ADGRB3: variants seen among roughly 807,000 people sequenced by gnomAD.
ADGRB3 encodes adhesion G protein-coupled receptor B3, also known as brain-specific angiogenesis inhibitor 3.
A neutral mutation model predicts 193.4 loss-of-function variants in ADGRB3; 37 were observed. That is an observed-to-expected ratio of 0.19 (90% CI 0.15 to 0.25). ADGRB3 has a LOEUF of 0.25. ADGRB3 is among the 10% of genes least tolerant of loss of function. The pLI is 1.00. For synonymous variants in ADGRB3, 690 were observed against 644.2 expected, an observed-to-expected ratio of 1.07 and a Z score of -1.08; for missense variants, 1,637 against 1,852.9, an observed-to-expected ratio of 0.88 and a Z score of 2.14.
At chr6:68,965,078 T>C (rs754696567) in intron 8 of ADGRB3, among the ~76,000 whole-genome samples, 2 of 152,190 alleles carry the variant, frequency 1.3e-5, no homozygotes, top group Non-Finnish European at 2.9e-5. Flanking sequence ...CACAAGGTTA[T>C]AAGAATTCTG....
At chr6:69,200,229 A>G (rs1765391173) in intron 17 of ADGRB3, among the ~76,000 whole-genome samples, 1 of 152,086 alleles carries the variant, frequency 6.6e-6, no homozygotes, top group African/African-American at 2.4e-5. Flanking sequence ...AGAAAAGCTG[A>G]AGGGTTACAG....
chr6:69,326,972 A>T (rs1449566740), intron 21 of ADGRB3, among the ~76,000 whole-genome samples: 2 of 152,154 alleles, frequency 1.3e-5, no homozygotes, highest in Admixed American at 6.6e-5. Flanking sequence ...ATTAAATCTC[A>T]TGAAGGAATG....
At chr6:69,189,929 G>A (rs958741411) in intron 17 of ADGRB3, among the ~76,000 whole-genome samples, 87 of 152,034 alleles carry the variant, frequency 5.7e-4, no homozygotes, top group African/African-American at 1.7e-3. Context: ...TAAAAAATCC[G>A]AATCTCTTAG....
At chr6:69,036,050 TAAG>T (rs1770860380) in intron 13 of ADGRB3, among the ~76,000 whole-genome samples, 1 of 152,070 alleles carries the variant, frequency 6.6e-6, no homozygotes, top group African/African-American at 2.4e-5. Context: ...GGTCTGGAGT[TAAG>T]AAGAAAATGT....
At chr6:68,908,396 C>T (rs1490495498) in intron 3 of ADGRB3, among the ~76,000 whole-genome samples, 1 of 152,066 alleles carries the variant, frequency 6.6e-6, no homozygotes, top group Non-Finnish European at 1.5e-5. Flanking sequence ...CTCAGCTAGA[C>T]CTCTCTGGTG....
intron 17 of ADGRB3, among the ~76,000 whole-genome samples, chr6:69,176,610 A>C (rs932738503): frequency 6.6e-6 from 1 of 152,050 alleles, no homozygotes; most frequent in Non-Finnish European, 1.5e-5. Flanking sequence ...TGTCTTTGCC[A>C]GCTTTGGTGT....
chr6:68,700,352 A>G (rs1765221435), intron 3 of ADGRB3, among the ~76,000 whole-genome samples: 1 of 152,096 alleles, frequency 6.6e-6, no homozygotes, highest in South Asian at 2.1e-4. Flanking sequence ...CTTTATTTTC[A>G]AAACACCTTT....
chr6:68,883,808 T>C (rs541155770), intron 3 of ADGRB3, among the ~76,000 whole-genome samples: 2 of 151,868 alleles, frequency 1.3e-5, no homozygotes, highest in East Asian at 3.9e-4. Context: ...GGCTTCATTC[T>C]TGAAGTCGGT....
chr6:68,874,890 A>T (rs1364101660), intron 3 of ADGRB3, among the ~76,000 whole-genome samples: 1 of 152,094 alleles, frequency 6.6e-6, no homozygotes, highest in Non-Finnish European at 1.5e-5. Context: ...CTCTTCAAAA[A>T]CCTGAATTTA....
In ADGRB3 at chr6:69,165,270, A is replaced by T. The variant is rs1775101403; in HGVS notation, c.2481-68020A>T. ...AAGACTTTGTGCCCAATTTCTAGTTATTTATGGTCAGCTCAATAGAGGTGC... is the reference window on the plus strand; with the variant it reads ...AAGACTTTGTGCCCAATTTCTAGTTTTTTATGGTCAGCTCAATAGAGGTGC... On this transcript the variant is annotated intron_variant, in intron 17 of 31. Transcript: ENST00000370598. Among the ~76,000 whole-genome samples the T allele has an allele frequency of 2.0e-5, 3 of 152,094 alleles. No individual in the cohort carries two copies. The South Asian group carries it at 6.2e-4, about 32-fold the overall frequency.
intron 20 of ADGRB3, among the ~76,000 whole-genome samples, chr6:69,292,240 G>A (rs540140269): frequency 6.6e-6 from 1 of 152,030 alleles, no homozygotes; most frequent in East Asian, 1.9e-4. Context: ...AACTTCCTCA[G>A]GACAGATAGA....
intron 3 of ADGRB3, among the ~76,000 whole-genome samples, chr6:68,875,591 G>A (rs930939769): frequency 6.6e-6 from 1 of 151,720 alleles, no homozygotes. Flanking sequence ...GTTTCATTAT[G>A]CTGACACAGT....
intron 20 of ADGRB3, among the ~76,000 whole-genome samples, chr6:69,240,877 G>C (rs1301192124): frequency 1.3e-5 from 2 of 151,838 alleles, no homozygotes; most frequent in Admixed American, 6.6e-5. Flanking sequence ...GAAAAAGAGA[G>C]CTTTCCTCTG....
At chr6:69,092,028 A>AT (rs947098435) in intron 17 of ADGRB3, among the ~76,000 whole-genome samples, 56 of 152,266 alleles carry the variant, frequency 3.7e-4, no homozygotes, top group Non-Finnish European at 7.2e-4. Context: ...CTAGATTTCC[A>AT]TTTTTTAAGC....
intron 17 of ADGRB3, among the ~76,000 whole-genome samples, chr6:69,137,674 GT>G (rs1223928298): frequency 6.6e-6 from 1 of 152,084 alleles, no homozygotes; most frequent in Non-Finnish European, 1.5e-5. Context: ...GCTGGCTCCT[GT>G]AGTCCCAGCT....
intron 20 of ADGRB3, among the ~76,000 whole-genome samples, chr6:69,258,190 A>G (rs1385661244): frequency 7.4e-6 from 1 of 136,038 alleles, no homozygotes. Flanking sequence ...AGGAAGAATT[A>G]TAAGAAAAGA....
At chr6:68,916,475 T>C (rs1051597376) in intron 3 of ADGRB3, among the ~76,000 whole-genome samples, 1 of 152,184 alleles carries the variant, frequency 6.6e-6, no homozygotes, top group Non-Finnish European at 1.5e-5. Context: ...AATGGACAGT[T>C]AATATTCCTA....
chr6:68,872,897 T>C (rs1765500544), intron 3 of ADGRB3, among the ~76,000 whole-genome samples: 2 of 152,122 alleles, frequency 1.3e-5, no homozygotes, highest in South Asian at 4.1e-4. Context: ...TTTAATGTAT[T>C]TTTTTGTTGC....
At chr6:68,970,290 CTT>C (rs532241709) in intron 8 of ADGRB3, among the ~76,000 whole-genome samples, 52 of 144,606 alleles carry the variant, frequency 3.6e-4, no homozygotes, top group Non-Finnish European at 6.1e-4. Flanking sequence ...TTTCTTCTTT[CTT>C]TTTTTTTTTT....
Sources: allele counts gnomAD v4.1 joint callset (sites outside exome capture counted in the v4.1 genomes callset), GRCh38; gene constraint gnomAD v4.1.1; transcripts MANE v1.5; gene names NCBI Gene and HGNC (gene_info 2026-07-23, HGNC 2026-07-21).